Variants in DNM3 observed in about 807,000 individuals in gnomAD.
The protein encoded by DNM3 is dynamin-3.
A neutral mutation model predicts 101.6 loss-of-function variants in DNM3; 47 were observed. The ratio of observed to expected loss-of-function variants is 0.46; its 90% confidence interval spans 0.37 to 0.59. The LOEUF (loss-of-function observed/expected upper bound fraction) is 0.59. Among genes scored for constraint, DNM3 ranks in the 20% least tolerant of loss-of-function variants. The pLI, the probability that DNM3 is intolerant of heterozygous loss-of-function variation, is 0.00. For missense variants in DNM3, 849 were observed against 1,085.7 expected (o/e 0.78, Z 3.06); for synonymous variants, 385 against 387.9 (o/e 0.99, Z 0.09).
At chr1:171,991,770 C>T (rs1410130166) in intron 4 of DNM3, among the ~76,000 whole-genome samples, 1 of 152,224 alleles carries the variant, frequency 6.6e-6, no homozygotes, top group Admixed American at 6.5e-5. Flanking sequence ...CACTTACCAA[C>T]CCATTAGCCT....
chr1:171,957,591 C>T (rs1238496995), intron 2 of DNM3, among the ~76,000 whole-genome samples: 1 of 152,140 alleles, frequency 6.6e-6, no homozygotes, highest in Non-Finnish European at 1.5e-5. Flanking sequence ...TTTAATAGCA[C>T]CCAAGTCATC....
intron 10 of DNM3, among the ~76,000 whole-genome samples, chr1:172,058,850 C>T (rs1272088022): frequency 6.7e-6 from 1 of 148,358 alleles, no homozygotes; most frequent in East Asian, 2.1e-4. Context: ...AAAATCATAG[C>T]AGAACTGAAG....
intron 17 of DNM3, among the ~76,000 whole-genome samples, chr1:172,350,946 C>T (rs1484014547): frequency 6.6e-6 from 1 of 152,138 alleles, no homozygotes; most frequent in African/African-American, 2.4e-5. Flanking sequence ...TACTATTCAC[C>T]TCTTCTTCCT....
intron 16 of DNM3, among the ~76,000 whole-genome samples, chr1:172,319,600 A>G (rs1387007647): frequency 4.6e-5 from 7 of 152,268 alleles, no homozygotes; most frequent in Non-Finnish European, 1.0e-4. Context: ...TGAAAAGAAG[A>G]CATTTATGCA....
intron 1 of DNM3, among the ~76,000 whole-genome samples, chr1:171,871,820 T>C (rs1454890704): frequency 6.6e-6 from 1 of 151,914 alleles, no homozygotes; most frequent in Non-Finnish European, 1.5e-5. Flanking sequence ...ATAAGTTACA[T>C]ATCCTAATTT....
rs772194466 is a variant in DNM3 at position 172,033,227 on chromosome 1, C to T, written c.811C>T (p.Arg271Ter). The T allele has an allele frequency of 1.9e-6, 3 of 1,605,674 alleles. No individual in the cohort carries two copies. Among genetic ancestry groups the T allele is most frequent in the African/African-American group, 1.3e-5 (1 of 74,676 alleles). The change falls in exon 6 of 21, where the codon CGA becomes TGA. Residue 271 changes from arginine to a stop codon, truncating the protein, a stop_gained. Transcript: ENST00000627582. LOFTEE classifies it high-confidence loss of function. ...SHPAYRHIAD[R>*]MGTPHLQKVL... ...CCCGGCTTACAGACATATCGCTGAC[C>T]GAATGGGAACCCCACACCTGCAGAA...
chr1:172,373,783 G>GA lies in DNM3; in HGVS notation c.1894-5227dup, dbSNP rs574786988. ...AGAATGAGAGAGAGAAGTAACAAAA[G>GA]AAAAAAAACTCCAGACCCAATGATT... is the stretch of plus-strand genomic sequence containing the variant. On this transcript the variant is annotated intron_variant, in intron 17 of 20. Transcript: ENST00000627582. Among the ~76,000 whole-genome samples the GA allele has an allele frequency of 1.8e-4, 28 of 151,430 alleles. No individual in the cohort carries two copies. In the East Asian group the frequency reaches 4.3e-3, roughly 23 times the overall value.
intron 4 of DNM3, among the ~76,000 whole-genome samples, chr1:172,017,593 G>T (rs1398928116): frequency 1.3e-5 from 2 of 152,050 alleles, no homozygotes; most frequent in Non-Finnish European, 2.9e-5. Flanking sequence ...ATTTGTTAGG[G>T]TGTGTTTGTT....
intron 13 of DNM3, among the ~76,000 whole-genome samples, chr1:172,127,816 A>G (rs754515630): frequency 1.3e-5 from 2 of 152,126 alleles, no homozygotes; most frequent in African/African-American, 2.4e-5. Context: ...AGCTATCACT[A>G]CCATCACCTC....
chr1:172,368,029 G>A (rs903305923), intron 17 of DNM3, among the ~76,000 whole-genome samples: 29 of 151,812 alleles, frequency 1.9e-4, no homozygotes, highest in Admixed American at 3.9e-4. Context: ...ACATATTTGC[G>A]TCCTACAATA....
intron 16 of DNM3, among the ~76,000 whole-genome samples, chr1:172,316,859 G>T (rs1039183909): frequency 1.3e-5 from 2 of 152,086 alleles, no homozygotes; most frequent in African/African-American, 4.8e-5. Context: ...GGATACCCAG[G>T]AATTGAACTC....
At chr1:172,149,523 A>T (rs1236054850) in intron 14 of DNM3, among the ~76,000 whole-genome samples, 1 of 152,162 alleles carries the variant, frequency 6.6e-6, no homozygotes, top group African/African-American at 2.4e-5. Flanking sequence ...GTGAGAGCAT[A>T]CTAGCAGTGT....
downstream of DNM3, among the ~76,000 whole-genome samples, chr1:172,413,993 A>G (rs562828515): frequency 2.0e-4 from 31 of 152,374 alleles, no homozygotes; most frequent in African/African-American, 7.2e-4. Flanking sequence ...AATAGTTTCT[A>G]AAGGTAATTT....
intron 14 of DNM3, among the ~76,000 whole-genome samples, chr1:172,227,012 G>A (rs1490442169): frequency 6.6e-6 from 1 of 151,536 alleles, no homozygotes; most frequent in Non-Finnish European, 1.5e-5. Context: ...CTCCCATGTA[G>A]TATACACTGT....
Position 171,863,915 on chromosome 1 carries a change from T to C in DNM3, c.161+22098T>C, listed in dbSNP as rs114979811. Among the ~76,000 whole-genome samples the C allele has an allele frequency of 7.7e-3, 1,173 of 152,336 alleles. 14 individuals are homozygous for C. The highest frequency in any genetic ancestry group is 0.027 in the African/African-American group (1,106 of 41,580). On this transcript the variant is annotated intron_variant, in intron 1 of 20. Transcript: ENST00000627582. ...GACTGGAGATACTTAGTATGAGCCTTATTGAATGAATGAGCTCTTTGAACA... is the reference window on the plus strand; with the variant it reads ...GACTGGAGATACTTAGTATGAGCCTCATTGAATGAATGAGCTCTTTGAACA...
intron 17 of DNM3, among the ~76,000 whole-genome samples, chr1:172,340,944 G>A (rs1311863649): frequency 6.6e-6 from 1 of 152,158 alleles, no homozygotes; most frequent in Non-Finnish European, 1.5e-5. Flanking sequence ...GGGTTGGTCA[G>A]AGATGGCTCT....
At chr1:171,891,293 C>T (rs1286313600) in intron 1 of DNM3, among the ~76,000 whole-genome samples, 36 of 150,396 alleles carry the variant, frequency 2.4e-4, no homozygotes, top group Admixed American at 2.3e-3. Context: ...TTCAAATGAA[C>T]GTTTTCTTTA....
intron 4 of DNM3, among the ~76,000 whole-genome samples, chr1:172,013,635 T>A (rs1350648837): frequency 6.6e-6 from 1 of 151,970 alleles, no homozygotes; most frequent in Non-Finnish European, 1.5e-5. Flanking sequence ...GCTTGTGGGA[T>A]CCTGATTGAG....
intron 11 of DNM3, among the ~76,000 whole-genome samples, chr1:172,078,809 G>A (rs116910600): frequency 0.02 from 2,988 of 152,242 alleles, 93 homozygotes; most frequent in East Asian, 0.14. Context: ...CTCTTGTAAG[G>A]CAGAACTGGT....
Sources: allele counts gnomAD v4.1 joint callset (sites outside exome capture counted in the v4.1 genomes callset), GRCh38; gene constraint gnomAD v4.1.1; transcripts MANE v1.5; gene names NCBI Gene and HGNC (gene_info 2026-07-23, HGNC 2026-07-21).